EVI5: variants seen among roughly 807,000 people sequenced by gnomAD.
EVI5 encodes the protein ecotropic viral integration site 5 protein homolog.
A neutral mutation model predicts 112.0 loss-of-function variants in EVI5; 73 were observed. The ratio of observed to expected loss-of-function variants is 0.65; its 90% CI spans 0.54 to 0.79. The LOEUF is 0.79. Ranked by LOEUF, EVI5 falls within the 30% of genes least tolerant of loss-of-function variation. The pLI, the probability that EVI5 is intolerant of heterozygous loss-of-function variation, is 0.00. For synonymous variants in EVI5, 305 were observed against 319.9 expected, an observed-to-expected ratio of 0.95 and a Z score of 0.50; for missense variants, 900 against 968.8, an observed-to-expected ratio of 0.93 and a Z score of 0.94.
intron 18 of EVI5, among the ~76,000 whole-genome samples, chr1:92,591,906 T>G (rs1673995635): frequency 6.6e-6 from 1 of 152,182 alleles, no homozygotes. Context: ...TATAACAAAC[T>G]GTCTCTCAGA....
rs201603173 is a variant in EVI5 at position 92,513,474 on chromosome 1, G to T, written c.*182C>A. The T allele has an allele frequency of 4.7e-6, 1 of 211,004 alleles. No homozygotes were observed. The highest frequency in any genetic ancestry group is 9.1e-6 in the Non-Finnish European group (1 of 109,436). The allele number at this position is 211,004 out of a possible 1,614,324, so 13.1% of individuals were successfully genotyped here. A position where few individuals can be genotyped will look rare whatever the true frequency, so the allele number is the denominator to read the frequency against. ...ATGGCAATGGTAAATCAGTGGTAAA[G>T]ATTTGGCAAAGATAAAAAGGCAGAT... On this transcript the variant is annotated 3_prime_UTR_variant, in exon 20 of 20. Coordinates refer to ENST00000684568, the MANE Select transcript of EVI5 (RefSeq NM_001350197.2).
chr1:92,683,562 C>T (rs556635000), intron 9 of EVI5, among the ~76,000 whole-genome samples: 4 of 152,248 alleles, frequency 2.6e-5, no homozygotes, highest in East Asian at 1.9e-4. Flanking sequence ...ATGAGTTTGA[C>T]GAGTTGACAG....
chr1:92,695,334 C>T lies in EVI5; in HGVS notation c.885G>A (p.Arg295=), dbSNP rs1470551533. Residue 295 remains arginine, a synonymous_variant, in exon 7 of 20, where the codon AGG becomes AGA. Coordinates refer to ENST00000684568, the MANE Select transcript of EVI5 (RefSeq NM_001350197.2). ...CCTCAGACATAAAGATATCAAATAT[C>T]CTTGTTGCAATTGGTAGTGGAAAAG... The part of the protein sequence containing the change: ...LTTFPLPIAT[R]IFDIFMSEGL... 3 of 1,611,928 alleles carry T rather than the reference C, an allele frequency of 1.9e-6. No individual in the cohort carries two copies. The highest frequency in any genetic ancestry group is 2.5e-6 in the Non-Finnish European group (3 of 1,178,590).
Position 92,737,051 on chromosome 1 carries a change from G to C in EVI5, c.-81-424C>G, listed in dbSNP as rs148449233. On this transcript the variant is annotated intron_variant, in intron 1 of 19. Transcript: ENST00000684568. ...TAGTCAAAAACATATGCAAGTCAAG[G>C]AATTAAAACATGTCCATTAGATGAT... Among the ~76,000 whole-genome samples, 1,317 of 152,214 alleles carry C rather than the reference G, an allele frequency of 8.7e-3. 21 individuals carry two copies. The highest frequency in any genetic ancestry group is 0.024 in the Middle Eastern group (7 of 294).
chr1:92,516,502 A>G (rs952799037), intron 19 of EVI5, among the ~76,000 whole-genome samples: 1 of 152,206 alleles, frequency 6.6e-6, no homozygotes, highest in Non-Finnish European at 1.5e-5. Flanking sequence ...GTAAGCGACT[A>G]TGTGGTAAAA....
intron 1 of EVI5, among the ~76,000 whole-genome samples, chr1:92,765,335 G>A (rs145286063): frequency 3.3e-5 from 5 of 149,408 alleles, no homozygotes; most frequent in Admixed American, 6.7e-5. Flanking sequence ...GATTATGGGC[G>A]TGAGCCACCA....
At chr1:92,604,686 T>C (rs1375058725) in intron 18 of EVI5, among the ~76,000 whole-genome samples, 1 of 152,242 alleles carries the variant, frequency 6.6e-6, no homozygotes, top group Non-Finnish European at 1.5e-5. Context: ...TCAAGTATTA[T>C]GTGCTATACA....
intron 18 of EVI5, among the ~76,000 whole-genome samples, chr1:92,591,139 A>G (rs1033796848): frequency 5.3e-5 from 8 of 152,216 alleles, no homozygotes; most frequent in African/African-American, 1.2e-4. Flanking sequence ...GGAACAACTG[A>G]TACCAGCCAC....
At chr1:92,520,016 A>G (rs1234660075) in intron 19 of EVI5, among the ~76,000 whole-genome samples, 1 of 152,070 alleles carries the variant, frequency 6.6e-6, no homozygotes, top group Admixed American at 6.6e-5. Flanking sequence ...CAGAAAGTAG[A>G]TTAGTGGCTG....
Position 92,529,402 on chromosome 1 carries a change from T to C in EVI5, c.2167-15432A>G, listed in dbSNP as rs143449440. Among the ~76,000 whole-genome samples the C allele has an allele frequency of 1.8e-3, 281 of 152,372 alleles. 1 individual carries two copies. Among genetic ancestry groups the C allele is most frequent in the African/African-American group, 6.1e-3 (253 of 41,596 alleles). On this transcript the variant is annotated intron_variant, in intron 19 of 19. Coordinates refer to ENST00000684568, the MANE Select transcript of EVI5 (RefSeq NM_001350197.2). ...TTCTTTTAACTGTCAGACTGAAGCA[T>C]ACATTGCCACTTTTTAAGTGAATGT...
intron 11 of EVI5, among the ~76,000 whole-genome samples, chr1:92,664,217 G>A (rs1664494219): frequency 6.6e-6 from 1 of 152,082 alleles, no homozygotes; most frequent in Admixed American, 6.6e-5. Context: ...AGGAAAATAT[G>A]ACAAATAAAA....
intron 14 of EVI5, among the ~76,000 whole-genome samples, chr1:92,631,322 T>C (rs1657038479): frequency 6.6e-6 from 1 of 152,240 alleles, no homozygotes; most frequent in Non-Finnish European, 1.5e-5. Flanking sequence ...GCATGGAATG[T>C]TATTCCATCT....
chr1:92,559,304 T>C (rs568936995), intron 19 of EVI5, among the ~76,000 whole-genome samples: 3 of 152,320 alleles, frequency 2.0e-5, no homozygotes, highest in East Asian at 3.9e-4. Flanking sequence ...AGAGGACCAA[T>C]TGCAATCTGA....
At chr1:92,739,260 C>T (rs1230228346) in intron 1 of EVI5, among the ~76,000 whole-genome samples, 2 of 63,446 alleles carry the variant, frequency 3.2e-5, no homozygotes, top group African/African-American at 1.3e-4. Flanking sequence ...GCAACAAAAG[C>T]GAAACTCCGT....
At position 92,704,674 on chromosome 1, in the gene EVI5, C is replaced by T; in HGVS notation, c.220G>A (p.Val74Met). The change falls in exon 3 of 20, where the codon GTG (valine) becomes ATG (methionine). Residue 74 changes from valine (V) to methionine (M), a missense_variant. By Grantham distance (21) the Val-to-Met change is conservative. Transcript: ENST00000684568. ...GSRRNSGSSL[V>M]SSSSASSNLS... ...TTGCTAGAGGCTGATGAACTCGACACAAGAGAAGAGCCACTGTTTCTTCTT... is the reference window on the plus strand; with the variant it reads ...TTGCTAGAGGCTGATGAACTCGACATAAGAGAAGAGCCACTGTTTCTTCTT... 1.2e-6 allele frequency: 2 copies of T among 1,604,536 alleles called. No individual in the cohort carries two copies. The highest frequency in any genetic ancestry group is 1.7e-6 in the Non-Finnish European group (2 of 1,173,828).
chr1:92,636,243 C>T lies in EVI5; in HGVS notation c.1486G>A (p.Ala496Thr). 1 of 1,613,684 alleles carries T rather than the reference C, an allele frequency of 6.2e-7. No individual in the cohort carries two copies. Among genetic ancestry groups the T allele is most frequent in the Non-Finnish European group, 8.5e-7 (1 of 1,179,688 alleles). Residue 496 changes from alanine (A) to threonine (T), a missense_variant, in exon 14 of 20, where the codon GCA (alanine) becomes ACA (threonine). Transcript: ENST00000684568. ...ARLSEAESQCALKEMQDKVLD... is the reference protein window; with the variant it reads ...ARLSEAESQCTLKEMQDKVLD... ...ACTTTATCCTGCATCTCTTTTAATG[C>T]ACACTGAGACTCAGCTTCACTCAGT...
chr1:92,674,705 A>G (rs1023280136), intron 10 of EVI5, among the ~76,000 whole-genome samples: 1 of 144,602 alleles, frequency 6.9e-6, no homozygotes, highest in African/African-American at 2.5e-5. Context: ...AAAAGTATTC[A>G]GTTGAAAAAA....
At chr1:92,660,427 A>G (rs1663781896) in intron 13 of EVI5, among the ~76,000 whole-genome samples, 1 of 151,960 alleles carries the variant, frequency 6.6e-6, no homozygotes. Context: ...TAGGGAGGGA[A>G]TTGGGAACAT....
At chr1:92,546,009 C>T (rs1187037167) in intron 19 of EVI5, among the ~76,000 whole-genome samples, 6 of 151,974 alleles carry the variant, frequency 3.9e-5, no homozygotes, top group Non-Finnish European at 7.4e-5. Flanking sequence ...GCCATGGTGC[C>T]GTGTGATTCT....
Sources: allele counts gnomAD v4.1 joint callset (sites outside exome capture counted in the v4.1 genomes callset), GRCh38; gene constraint gnomAD v4.1.1; transcripts MANE v1.5; gene names NCBI Gene and HGNC (gene_info 2026-07-23, HGNC 2026-07-21).